Variants in ADGRD1 observed in about 807,000 individuals in gnomAD.
ADGRD1 encodes G-protein coupled receptor 133.
Under a neutral mutation model 113.4 loss-of-function variants are expected in ADGRD1, and 77 were observed. The ratio of observed to expected loss-of-function variants is 0.68; its 90% CI spans 0.57 to 0.82. The LOEUF (loss-of-function observed/expected upper bound fraction) is 0.82. ADGRD1 is among the 40% of genes least tolerant of loss of function. The pLI is 0.00. For missense variants in ADGRD1, 1,036 were observed against 1,139.1 expected (o/e 0.91, Z 1.30); for synonymous variants, 474 against 475.0 (o/e 1.00, Z 0.03).
intron 13 of ADGRD1, among the ~76,000 whole-genome samples, chr12:131,031,168 G>T (rs1195888): frequency 6.6e-6 from 1 of 151,970 alleles, no homozygotes. Context: ...TGCCTTGGGG[G>T]GTCCTGTCGA....
In ADGRD1 at chr12:131,136,183, G is replaced by A; in HGVS notation, c.2394+20G>A. ...CTGCAGGTGAGAGCCGCGGGGACTG[G>A]CGGGGAGGCAGGGCCGCCAGCCATC... On this transcript the variant is annotated intron_variant, in intron 22 of 24. Transcript: ENST00000261654. 6.2e-7 allele frequency: 1 copy of A among 1,612,712 alleles called. No homozygotes were observed. Among genetic ancestry groups the A allele is most frequent in the East Asian group, 2.2e-5 (1 of 44,820 alleles).
intron 13 of ADGRD1, among the ~76,000 whole-genome samples, chr12:131,054,879 G>A (rs994879430): frequency 1.3e-5 from 2 of 152,162 alleles, no homozygotes; most frequent in African/African-American, 4.8e-5. Flanking sequence ...CCCCTTCATT[G>A]CCTGATGGAT....
chr12:130,991,950 G>A (rs917105401), intron 7 of ADGRD1, among the ~76,000 whole-genome samples: 12 of 152,154 alleles, frequency 7.9e-5, no homozygotes, highest in East Asian at 3.9e-4. Flanking sequence ...GTGAAACCCT[G>A]TCTCTACTAA....
chr12:131,042,394 A>G lies in ADGRD1; in HGVS notation c.1473+28054A>G, dbSNP rs1281955497. ...CCGCGTTCTTGCTGCCCCGACACTG[A>G]TGAGCCAAGAGGAATGTTCCAGAAA... On this transcript the variant is annotated intron_variant, in intron 13 of 24. Coordinates refer to ENST00000261654, the MANE Select transcript of ADGRD1 (RefSeq NM_198827.5). 3.3e-5 allele frequency among the ~76,000 whole-genome samples: 5 copies of G among 152,322 alleles called. No homozygotes were observed. The South Asian group carries it at 1.0e-3, about 32-fold the overall frequency.
At position 131,057,136 on chromosome 12, in the gene ADGRD1, G is replaced by A. The variant is rs888126405; in HGVS notation, c.1474-19665G>A. ...ACGACTTGGGTGTAATTTTTGAAGTGGAGGAAATTGTTGCAGGAAATAATC... is the reference window on the plus strand; with the variant it reads ...ACGACTTGGGTGTAATTTTTGAAGTAGAGGAAATTGTTGCAGGAAATAATC... On this transcript the variant is annotated intron_variant, in intron 13 of 24. Transcript: ENST00000261654. The surrounding 1 kb of genome is among the most constrained non-coding windows in gnomAD (Gnocchi z 4.2). Among the ~76,000 whole-genome samples the A allele has an allele frequency of 3.3e-5, 5 of 152,188 alleles. No homozygotes were observed. Among genetic ancestry groups the A allele is most frequent in the African/African-American group, 1.2e-4 (5 of 41,432 alleles).
intron 21 of ADGRD1, among the ~76,000 whole-genome samples, chr12:131,132,872 C>A (rs7957882): frequency 0.63 from 95,960 of 152,144 alleles, 30,606 homozygotes; most frequent in Middle Eastern, 0.75. Context: ...ACATTCTGTA[C>A]TGTTACTTCA....
intron 12 of ADGRD1, among the ~76,000 whole-genome samples, chr12:131,013,641 C>T (rs963084269): frequency 2.0e-4 from 31 of 152,070 alleles, no homozygotes; most frequent in Non-Finnish European, 2.5e-4. Context: ...GGGCTGTGAG[C>T]GGGGAAGGGG....
In ADGRD1 at chr12:130,971,538, A is replaced by G. The variant is rs1432188862; in HGVS notation, c.268A>G (p.Asn90Asp). Residue 90 changes from asparagine to aspartate, a missense_variant, in exon 4 of 25, where the codon AAC becomes GAC. Coordinates refer to ENST00000261654, the MANE Select transcript of ADGRD1 (RefSeq NM_198827.5). This position sits in a 1 kb window ranked among gnomAD's most constrained non-coding sequence, Gnocchi z 4.2. Reference protein sequence around the residue: ...GVTLLYYGRYNSSCISKPEQC... With the variant: ...GVTLLYYGRYDSSCISKPEQC... ...CACGCTTCTCTATTACGGCAGGTAC[A>G]ACAGCTCCTGCATCAGCAAGCCAGA... is the stretch of plus-strand genomic sequence containing the variant. 3.1e-6 allele frequency: 5 copies of G among 1,613,208 alleles called. No individual in the cohort carries two copies. Among genetic ancestry groups the G allele is most frequent in the Non-Finnish European group, 4.2e-6 (5 of 1,179,566 alleles).
rs937622784 is a variant in ADGRD1, at chr12:130,971,306, TATC to T, written c.188-149_188-147del. Reference sequence around the variant, plus strand: ...ATAATATTACTGATGCTATGAATATTATCATAGAATAATATATGATGTTATAAA... The same window carrying T: ...ATAATATTACTGATGCTATGAATATTATAGAATAATATATGATGTTATAAA... On this transcript the variant is annotated intron_variant, in intron 3 of 24. Transcript: ENST00000261654. This position sits in a 1 kb window ranked among gnomAD's most constrained non-coding sequence, Gnocchi z 4.2. 3 of 368,484 alleles carry T rather than the reference TATC, an allele frequency of 8.1e-6. No homozygotes were observed. Among genetic ancestry groups the T allele is most frequent in the South Asian group, 5.8e-5 (1 of 17,096 alleles). 22.8% of individuals were successfully genotyped at this position (368,484 alleles called of 1,614,324 possible). A position where few individuals can be genotyped will look rare whatever the true frequency, so the allele number is the denominator to read the frequency against.
At chr12:131,123,535 G>C (rs1950658496) in intron 20 of ADGRD1, among the ~76,000 whole-genome samples, 1 of 151,740 alleles carries the variant, frequency 6.6e-6, no homozygotes, top group South Asian at 2.1e-4. Context: ...AAGATTCCAG[G>C]TTCAGGCTGG....
At position 130,991,093 on chromosome 12, in the gene ADGRD1, C is replaced by G. The variant is rs1874322748; in HGVS notation, c.810+15C>G. 2 of 1,609,718 alleles carry G rather than the reference C, an allele frequency of 1.2e-6. No homozygotes were observed. Among genetic ancestry groups the G allele is most frequent in the Non-Finnish European group, 1.7e-6 (2 of 1,176,064 alleles). ...CAAGCCCCGTGGTGAGCAGACACAT[C>G]TTCCTTGGTCCCCCTTGCTGATGTT... On this transcript the variant is annotated intron_variant, in intron 7 of 24. Coordinates refer to ENST00000261654, the MANE Select transcript of ADGRD1 (RefSeq NM_198827.5).
rs369429882 is a variant in ADGRD1, at chr12:131,108,771, T to G, written c.1935T>G (p.Ser645Arg). The G allele has an allele frequency of 6.2e-7, 1 of 1,613,966 alleles. No individual in the cohort carries two copies. ...TGCTCCTACACTACTTCTTCCTGAG[T>G]GCCTTCGCATGGATGCTGGTGGAGG... is the stretch of plus-strand genomic sequence containing the variant. ...MAVLLHYFFL[S>R]AFAWMLVEGL... Residue 645 changes from serine (S) to arginine (R), a missense_variant, in exon 18 of 25, where the codon AGT becomes AGG. Ser to Arg is a moderately radical substitution (Grantham distance 110, BLOSUM62 -1). Coordinates refer to ENST00000261654, the MANE Select transcript of ADGRD1 (RefSeq NM_198827.5).
At chr12:131,029,944 CG>C (rs753610950) in intron 13 of ADGRD1, among the ~76,000 whole-genome samples, 46 of 130,326 alleles carry the variant, frequency 3.5e-4, no homozygotes, top group African/African-American at 8.2e-4. Context: ...GTGGACCCCT[CG>C]TTCAGTGACA....
chr12:131,070,595 C>T (rs536838114), intron 13 of ADGRD1: 36 of 269,406 alleles, frequency 1.3e-4, no homozygotes, highest in Non-Finnish European at 2.6e-4. Flanking sequence ...TGCGGGGACT[C>T]GGTGCGGGAG....
intron 13 of ADGRD1, among the ~76,000 whole-genome samples, chr12:131,056,083 A>G (rs920510145): frequency 6.6e-6 from 1 of 152,216 alleles, no homozygotes; most frequent in African/African-American, 2.4e-5. Context: ...AAATTTTCCC[A>G]TCATCTGAAA....
Position 131,108,777 on chromosome 12 carries a change from C to A in ADGRD1, c.1941C>A (p.Phe647Leu). ...TACACTACTTCTTCCTGAGTGCCTT[C>A]GCATGGATGCTGGTGGAGGGGCTGC... ...VLLHYFFLSA[F>L]AWMLVEGLHL... Residue 647 changes from phenylalanine (F) to leucine (L), a missense_variant, in exon 18 of 25, where the codon TTC becomes TTA. Physicochemically the swap from Phe to Leu is conservative, Grantham distance 22. Coordinates refer to ENST00000261654, the MANE Select transcript of ADGRD1 (RefSeq NM_198827.5). 2 of 1,614,062 alleles carry A rather than the reference C, an allele frequency of 1.2e-6. No homozygotes were observed. The highest frequency in any genetic ancestry group is 1.3e-5 in the African/African-American group (1 of 75,000).
chr12:131,000,596 C>A (rs1434576786), intron 9 of ADGRD1, among the ~76,000 whole-genome samples, 154 bp downstream of exon 9: 1 of 151,986 alleles, frequency 6.6e-6, no homozygotes, highest in Non-Finnish European at 1.5e-5. Context: ...CAAAAATTAG[C>A]CAGGCGTGGT....
At chr12:130,958,895 G>A (rs1010746501) in intron 2 of ADGRD1, among the ~76,000 whole-genome samples, 12 of 152,314 alleles carry the variant, frequency 7.9e-5, no homozygotes, top group Middle Eastern at 3.4e-3. Flanking sequence ...GTGGTGTCAC[G>A]CCCTCGCACC....
At chr12:131,006,857 C>T (rs1206067195) in intron 12 of ADGRD1, among the ~76,000 whole-genome samples, 1 of 152,050 alleles carries the variant, frequency 6.6e-6, no homozygotes, top group African/African-American at 2.4e-5. Flanking sequence ...GGGGGCCTGC[C>T]ACTCTTTATG....
Sources: gnomAD v4.1 joint callset for allele counts (sites outside exome capture counted in the v4.1 genomes callset) on GRCh38, gnomAD v4.1.1 for gene constraint, Gnocchi (gnomAD v3.1) non-coding constraint, MANE v1.5 for transcripts, NCBI Gene and HGNC (gene_info 2026-07-23, HGNC 2026-07-21) for gene names.